RORB: variants seen among roughly 807,000 people sequenced by gnomAD.
The protein encoded by RORB is RAR related orphan receptor B, also known as nuclear receptor ROR-beta.
Under a neutral mutation model 59.1 loss-of-function variants are expected in RORB, and 6 were observed. The ratio of observed to expected loss-of-function variants is 0.10; its 90% confidence interval spans 0.06 to 0.20. RORB has a LOEUF of 0.20. Ranked by LOEUF, RORB falls within the 10% of genes least tolerant of loss-of-function variation. RORB has a pLI of 1.00. For synonymous variants in RORB, 215 were observed against 204.5 expected, an observed-to-expected ratio of 1.05 and a Z score of -0.44; for missense variants, 320 against 560.5, an observed-to-expected ratio of 0.57 and a Z score of 4.33.
chr9:74,518,099 C>T (rs1028617451), intron 1 of RORB, among the ~76,000 whole-genome samples: 1 of 152,036 alleles, frequency 6.6e-6, no homozygotes, highest in African/African-American at 2.4e-5. Context: ...ATGCTTCAAG[C>T]TGACCTCCTC....
At chr9:74,513,617 TA>T (rs567413663) in intron 1 of RORB, among the ~76,000 whole-genome samples, 282 of 152,120 alleles carry the variant, frequency 1.9e-3, no homozygotes, top group African/African-American at 6.6e-3. Context: ...TATAACCTAG[TA>T]ACTAATAAAA....
intron 1 of RORB, among the ~76,000 whole-genome samples, chr9:74,547,503 T>A (rs1028175855): frequency 6.6e-6 from 1 of 152,204 alleles, no homozygotes; most frequent in African/African-American, 2.4e-5. Flanking sequence ...ATTCTAATAG[T>A]AAACCCAAGA....
chr9:74,618,144 C>T (rs552648555), intron 1 of RORB, among the ~76,000 whole-genome samples: 41 of 152,122 alleles, frequency 2.7e-4, no homozygotes, highest in African/African-American at 5.1e-4. Flanking sequence ...CACACACACA[C>T]GCACACACAC....
intron 7 of RORB, among the ~76,000 whole-genome samples, chr9:74,667,395 A>G (rs953104752): frequency 1.3e-5 from 2 of 152,208 alleles, no homozygotes; most frequent in African/African-American, 2.4e-5. Flanking sequence ...CAGCCCCTGT[A>G]TGTAATGTTT....
At chr9:74,535,762 T>TA (rs907966292) in intron 1 of RORB, among the ~76,000 whole-genome samples, 26 of 151,976 alleles carry the variant, frequency 1.7e-4, no homozygotes, top group Non-Finnish European at 2.5e-4. Flanking sequence ...GGGGAATTGC[T>TA]AAAAAAAATC....
intron 7 of RORB, among the ~76,000 whole-genome samples, chr9:74,666,480 TAAG>T (rs1419873448): frequency 6.7e-6 from 1 of 149,584 alleles, no homozygotes; most frequent in Non-Finnish European, 1.5e-5. Context: ...AGGAAAGAAA[TAAG>T]AAATAACCGG....
chr9:74,612,965 ACAAT>A (rs890872231), intron 1 of RORB, among the ~76,000 whole-genome samples: 4 of 152,218 alleles, frequency 2.6e-5, no homozygotes, highest in African/African-American at 9.6e-5. Context: ...TACAATGAAA[ACAAT>A]CAAATCGGAT....
intron 1 of RORB, among the ~76,000 whole-genome samples, chr9:74,553,435 G>T (rs1017006044): frequency 1.3e-5 from 2 of 151,982 alleles, no homozygotes; most frequent in African/African-American, 4.8e-5. Flanking sequence ...CTTCTCAAAG[G>T]CCATATTTTA....
At chr9:74,548,882 A>G (rs1181278069) in intron 1 of RORB, among the ~76,000 whole-genome samples, 1 of 152,308 alleles carries the variant, frequency 6.6e-6, no homozygotes, top group African/African-American at 2.4e-5. Context: ...ATGAACTTTC[A>G]TGGTGATCCG....
At chr9:74,523,219 A>T (rs751598253) in intron 1 of RORB, among the ~76,000 whole-genome samples, 3 of 151,402 alleles carry the variant, frequency 2.0e-5, no homozygotes, top group Non-Finnish European at 3.0e-5. Flanking sequence ...CTTAAGATTG[A>T]TGCATTTTCT....
chr9:74,571,414 A>AAT (rs1563940651), intron 1 of RORB, among the ~76,000 whole-genome samples: 1 of 151,990 alleles, frequency 6.6e-6, no homozygotes, highest in African/African-American at 2.4e-5. Flanking sequence ...AAAAAAAAAA[A>AAT]AAACACAGTT....
intron 1 of RORB, among the ~76,000 whole-genome samples, chr9:74,527,449 TA>T (rs1232504428): frequency 6.6e-6 from 1 of 151,928 alleles, no homozygotes; most frequent in African/African-American, 2.4e-5. Flanking sequence ...TAAAAACAAG[TA>T]AAATTGAAAG....
chr9:74,529,573 A>T (rs1826205111), intron 1 of RORB, among the ~76,000 whole-genome samples: 2 of 151,716 alleles, frequency 1.3e-5, no homozygotes, highest in Non-Finnish European at 1.5e-5. Flanking sequence ...AGTAAAATAT[A>T]CTATTAATAA....
intron 9 of RORB, among the ~76,000 whole-genome samples, chr9:74,675,987 G>A (rs886379876): frequency 1.3e-5 from 2 of 152,204 alleles, no homozygotes; most frequent in Non-Finnish European, 2.9e-5. Context: ...CACTGAGTCT[G>A]CCATTCTTGT....
chr9:74,542,609 T>C (rs1269044200), intron 1 of RORB, among the ~76,000 whole-genome samples: 1 of 152,192 alleles, frequency 6.6e-6, no homozygotes, highest in Non-Finnish European at 1.5e-5. Context: ...GAAGATACTC[T>C]GCAGTTTTTC....
At chr9:74,558,574 G>A (rs1822344526) in intron 1 of RORB, among the ~76,000 whole-genome samples, 1 of 152,178 alleles carries the variant, frequency 6.6e-6, no homozygotes, top group African/African-American at 2.4e-5. Flanking sequence ...CCTTGCATGG[G>A]TTGAGTGGAT....
chr9:74,678,470 C>A (rs1192845703), intron 9 of RORB, among the ~76,000 whole-genome samples: 2 of 151,924 alleles, frequency 1.3e-5, no homozygotes, highest in Non-Finnish European at 2.9e-5. Context: ...TCTATTATAA[C>A]AATAATGAAT....
At chr9:74,616,288 G>C (rs894551300) in intron 1 of RORB, among the ~76,000 whole-genome samples, 12 of 152,014 alleles carry the variant, frequency 7.9e-5, no homozygotes, top group Admixed American at 7.9e-4. Context: ...GTACTAGATA[G>C]CAATGCACAA....
chr9:74,675,237 G>T (rs1207471931), intron 9 of RORB, among the ~76,000 whole-genome samples: 2 of 151,502 alleles, frequency 1.3e-5, no homozygotes, highest in Non-Finnish European at 2.9e-5. Context: ...GTTAGATTTG[G>T]CTGGATCCTG....
Sources: allele counts gnomAD v4.1 joint callset (sites outside exome capture counted in the v4.1 genomes callset), GRCh38; gene constraint gnomAD v4.1.1; transcripts MANE v1.5; gene names NCBI Gene and HGNC (gene_info 2026-07-23, HGNC 2026-07-21).